Variants in PDCD1LG2 observed in about 807,000 individuals in gnomAD.
PDCD1LG2 encodes the protein programmed cell death 1 ligand 2.
PDCD1LG2 carries 32 observed loss-of-function variants against 28.2 expected under a neutral mutation model. That is an observed-to-expected ratio of 1.13 (90% CI 0.86 to 1.52). The LOEUF (loss-of-function observed/expected upper bound fraction) is 1.52, where lower values mean the gene tolerates loss of function less well. Among genes scored for constraint, PDCD1LG2 ranks in the 40% most tolerant of loss-of-function variants. The probability of loss-of-function intolerance (pLI) is 0.00; values close to 1 mark genes in which losing one functional copy is unlikely to be tolerated. For synonymous variants in PDCD1LG2, 116 were observed against 120.2 expected, an observed-to-expected ratio of 0.97 and a Z score of 0.23; for missense variants, 385 against 323.8, an observed-to-expected ratio of 1.19 and a Z score of -1.45.
Position 5,570,118 on chromosome 9 carries a change from C to A in PDCD1LG2, c.*159C>A. 3 of 891,184 alleles carry A rather than the reference C, an allele frequency of 3.4e-6. No homozygotes were observed. Among genetic ancestry groups the A allele is most frequent in the Non-Finnish European group, 3.7e-6 (2 of 546,514 alleles). 55.2% of individuals were successfully genotyped at this position (891,184 alleles called of 1,614,324 possible). On this transcript the variant is annotated 3_prime_UTR_variant, in exon 7 of 7. Coordinates refer to ENST00000397747, the MANE Select transcript of PDCD1LG2 (RefSeq NM_025239.4). Reference sequence around the variant, plus strand: ...ATCTGAAACCTGCAACAAGACTAGCCAACACCTGGCCATGAAACTTGCCCC... The same window carrying A: ...ATCTGAAACCTGCAACAAGACTAGCAAACACCTGGCCATGAAACTTGCCCC...
At chr9:5,531,855 T>G (rs539386502) in intron 2 of PDCD1LG2, among the ~76,000 whole-genome samples, 2 of 152,210 alleles carry the variant, frequency 1.3e-5, no homozygotes, top group African/African-American at 4.8e-5. Flanking sequence ...AGAAGTATTA[T>G]AGAAGAGTAA....
intron 4 of PDCD1LG2, among the ~76,000 whole-genome samples, chr9:5,551,636 C>G (rs1418204266): frequency 4.6e-5 from 7 of 152,134 alleles, no homozygotes; most frequent in Non-Finnish European, 1.0e-4. Flanking sequence ...TGAGCTTTCC[C>G]CAGTATCCGT....
intron 6 of PDCD1LG2, among the ~76,000 whole-genome samples, chr9:5,565,459 C>T (rs1025044179): frequency 2.6e-5 from 4 of 152,224 alleles, no homozygotes. Flanking sequence ...GCTGGGATTC[C>T]AGGCGTAAGC....
chr9:5,523,635 T>C (rs1820318496), intron 2 of PDCD1LG2, among the ~76,000 whole-genome samples: 1 of 152,220 alleles, frequency 6.6e-6, no homozygotes, highest in South Asian at 2.1e-4. Flanking sequence ...AAAGGAACTT[T>C]TCATGTTTTC....
At chr9:5,515,609 C>T (rs544181380) in intron 1 of PDCD1LG2, among the ~76,000 whole-genome samples, 5 of 152,168 alleles carry the variant, frequency 3.3e-5, no homozygotes, top group Admixed American at 3.3e-4. Context: ...CTCCTTACCA[C>T]AGGCAGGTCA....
At chr9:5,565,726 G>A in intron 6 of PDCD1LG2, among the ~76,000 whole-genome samples, 1 of 151,986 alleles carries the variant, frequency 6.6e-6, no homozygotes, top group East Asian at 1.9e-4. Context: ...GTTTATCAAT[G>A]TTTCTTATAG....
rs555234047 is a variant in PDCD1LG2, at chr9:5,525,388, A to G, written c.55+2787A>G. On this transcript the variant is annotated intron_variant, in intron 2 of 6. Coordinates refer to ENST00000397747, the MANE Select transcript of PDCD1LG2 (RefSeq NM_025239.4). ...AAAAAACACTTATGGCGGTATTCTC[A>G]GTCATTACAAATAAATAAAAACAAT... Among the ~76,000 whole-genome samples, 16 of 151,656 alleles carry G rather than the reference A, an allele frequency of 1.1e-4. 2 individuals carry two copies. In the South Asian group the frequency reaches 2.3e-3, roughly 22 times the overall value.
intron 4 of PDCD1LG2, among the ~76,000 whole-genome samples, chr9:5,550,477 C>A (rs1393996240): frequency 2.0e-5 from 3 of 152,140 alleles, no homozygotes; most frequent in African/African-American, 7.2e-5. Flanking sequence ...GATTTATTAT[C>A]TGATACTTAT....
At chr9:5,555,823 ATGG>A (rs1816429360) in intron 4 of PDCD1LG2, among the ~76,000 whole-genome samples, 1 of 152,364 alleles carries the variant, frequency 6.6e-6, no homozygotes, top group East Asian at 1.9e-4. Context: ...CTTAGATTAC[ATGG>A]CTGGGCCCAC....
chr9:5,547,045 G>C (rs1434264475), intron 3 of PDCD1LG2, among the ~76,000 whole-genome samples: 1 of 152,192 alleles, frequency 6.6e-6, no homozygotes, highest in African/African-American at 2.4e-5. Context: ...GAGGGGAACA[G>C]AGGGGCAAAA....
intron 2 of PDCD1LG2, among the ~76,000 whole-genome samples, chr9:5,529,579 A>C (rs1180650839): frequency 6.6e-6 from 1 of 152,138 alleles, no homozygotes; most frequent in Non-Finnish European, 1.5e-5. Context: ...ATCTAAGGAC[A>C]TCTTATAACC....
At chr9:5,552,765 T>A (rs971590084) in intron 4 of PDCD1LG2, among the ~76,000 whole-genome samples, 1 of 152,094 alleles carries the variant, frequency 6.6e-6, no homozygotes, top group African/African-American at 2.4e-5. Context: ...CTGGAAAAAA[T>A]TCTTCCCTGA....
At chr9:5,545,510 T>C (rs1237236970) in intron 3 of PDCD1LG2, among the ~76,000 whole-genome samples, 2 of 152,188 alleles carry the variant, frequency 1.3e-5, no homozygotes, top group African/African-American at 4.8e-5. Flanking sequence ...TTTACTAATA[T>C]CAGAAGAAAA....
At chr9:5,534,122 C>G (rs937670168) in intron 2 of PDCD1LG2, among the ~76,000 whole-genome samples, 1 of 151,966 alleles carries the variant, frequency 6.6e-6, no homozygotes, top group African/African-American at 2.4e-5. Flanking sequence ...ATATTATTAC[C>G]TACCTTGCTG....
chr9:5,566,393 C>G, intron 6 of PDCD1LG2, among the ~76,000 whole-genome samples: 1 of 152,290 alleles, frequency 6.6e-6, no homozygotes, highest in South Asian at 2.1e-4. Flanking sequence ...GATAGAATTG[C>G]ACTTCTCTGT....
At chr9:5,531,970 G>A (rs535958171) in intron 2 of PDCD1LG2, among the ~76,000 whole-genome samples, 17 of 152,310 alleles carry the variant, frequency 1.1e-4, no homozygotes, top group African/African-American at 3.9e-4. Flanking sequence ...AGGTGGCTCT[G>A]CATTAAGTTA....
intron 1 of PDCD1LG2, among the ~76,000 whole-genome samples, chr9:5,514,863 G>T (rs995722970): frequency 2.0e-5 from 3 of 151,728 alleles, no homozygotes; most frequent in Non-Finnish European, 2.9e-5. Context: ...CCTGAGAGGC[G>T]CAATCGTTCT....
intron 3 of PDCD1LG2, among the ~76,000 whole-genome samples, chr9:5,548,825 G>T (rs1816263771): frequency 6.6e-6 from 1 of 152,118 alleles, no homozygotes; most frequent in Admixed American, 6.5e-5. Context: ...AGGAAAGGAG[G>T]AAGTAAAAAG....
In PDCD1LG2 at chr9:5,570,178, C is replaced by T; in HGVS notation, c.*219C>T. 1 of 579,730 alleles carries T rather than the reference C, an allele frequency of 1.7e-6. No individual in the cohort carries two copies. Among genetic ancestry groups the T allele is most frequent in the Non-Finnish European group, 3.1e-6 (1 of 321,044 alleles). The allele number at this position is 579,730 out of a possible 1,614,324, so 35.9% of individuals were successfully genotyped here. ...CTGGACTCACCTCTGGAGCCTATGGCTTTAAGCAAGCACTACTGCACTTTA... is the reference window on the plus strand; with the variant it reads ...CTGGACTCACCTCTGGAGCCTATGGTTTTAAGCAAGCACTACTGCACTTTA... On this transcript the variant is annotated 3_prime_UTR_variant, in exon 7 of 7. Transcript: ENST00000397747.
Sources: gnomAD v4.1 joint callset for allele counts (sites outside exome capture counted in the v4.1 genomes callset) on GRCh38, gnomAD v4.1.1 for gene constraint, MANE v1.5 for transcripts, NCBI Gene and HGNC (gene_info 2026-07-23, HGNC 2026-07-21) for gene names.